The following MTA3 variants were observed in gnomAD, a reference collection of about 807,000 sequenced individuals.
MTA3 encodes metastasis-associated protein MTA3.
Under a neutral mutation model 83.5 loss-of-function variants are expected in MTA3, and 34 were observed. The observed-to-expected ratio is 0.41, with a 90% CI of 0.31 to 0.54. The LOEUF (loss-of-function observed/expected upper bound fraction) is 0.54, where lower values mean the gene tolerates loss of function less well. MTA3 is among the 20% of genes least tolerant of loss of function. The probability of loss-of-function intolerance (pLI) is 0.33; values close to 1 mark genes in which losing one functional copy is unlikely to be tolerated. For synonymous variants in MTA3, 303 were observed against 252.7 expected (o/e 1.20, Z -1.89); for missense variants, 761 against 726.4 (o/e 1.05, Z -0.55).
intron 3 of MTA3, among the ~76,000 whole-genome samples, chr2:42,579,429 A>T (rs57388332): frequency 0.038 from 5,373 of 140,118 alleles, 113 homozygotes; most frequent in Non-Finnish European, 0.047. Context: ...ATATATATAT[A>T]TTTTTTTTTT....
intron 2 of MTA3, among the ~76,000 whole-genome samples, chr2:42,543,276 C>T (rs1207117939): frequency 1.3e-5 from 2 of 150,358 alleles, no homozygotes; most frequent in African/African-American, 2.5e-5. Flanking sequence ...CTCCCTGGTT[C>T]AAGCGATTCT....
intron 14 of MTA3, among the ~76,000 whole-genome samples, chr2:42,715,406 CTTTTTT>C (rs35673744): frequency 1.4e-4 from 15 of 104,162 alleles, no homozygotes; most frequent in Middle Eastern, 5.8e-3. Flanking sequence ...CCACCAACTA[CTTTTTT>C]TTTTTTTTTT....
At chr2:42,610,174 A>G (rs1684018725) in intron 4 of MTA3, among the ~76,000 whole-genome samples, 1 of 152,216 alleles carries the variant, frequency 6.6e-6, no homozygotes, top group Non-Finnish European at 1.5e-5. Flanking sequence ...TCTTTTCAGA[A>G]TGGTACAGAA....
intron 9 of MTA3, among the ~76,000 whole-genome samples, chr2:42,690,800 G>C (rs1029656688): frequency 6.7e-6 from 1 of 148,328 alleles, no homozygotes; most frequent in African/African-American, 2.5e-5. Context: ...TCAGCCTCCC[G>C]AGTAGCTGGG....
chr2:42,525,004 A>G (rs1228451664), intron 2 of MTA3, among the ~76,000 whole-genome samples: 1 of 150,528 alleles, frequency 6.6e-6, no homozygotes, highest in Non-Finnish European at 1.5e-5. Flanking sequence ...CATGTGCACA[A>G]CGTGCTGGTT....
At chr2:42,584,944 T>C (rs950649931) in intron 3 of MTA3, among the ~76,000 whole-genome samples, 2 of 151,942 alleles carry the variant, frequency 1.3e-5, no homozygotes, top group African/African-American at 4.8e-5. Flanking sequence ...GATTTTTTTT[T>C]TTTTTGAGAC....
At chr2:42,616,423 T>TC (rs1221625550) in intron 4 of MTA3, among the ~76,000 whole-genome samples, 5 of 148,404 alleles carry the variant, frequency 3.4e-5, no homozygotes, top group Non-Finnish European at 3.0e-5. Context: ...TCTCTTGTCT[T>TC]TTTTTTTTTT....
chr2:42,581,103 TTC>T (rs58016448), intron 3 of MTA3, among the ~76,000 whole-genome samples: 56,793 of 151,942 alleles, frequency 0.37, 10,870 homozygotes, highest in Middle Eastern at 0.49. Context: ...CATTGTGTTT[TTC>T]TGTTTCTGTA....
intron 2 of MTA3, among the ~76,000 whole-genome samples, chr2:42,558,548 C>A (rs1172966992): frequency 2.0e-5 from 3 of 150,526 alleles, no homozygotes; most frequent in East Asian, 2.0e-4. Context: ...CCACACCCAG[C>A]CTTTAAAAAA....
intron 13 of MTA3, 90 bp downstream of exon 13, chr2:42,708,144 A>C: frequency 3.1e-6 from 4 of 1,294,524 alleles, no homozygotes; most frequent in Admixed American, 3.2e-5. Flanking sequence ...AGGATAATTA[A>C]AAAATGAAGA....
At chr2:42,532,850 C>A in intron 2 of MTA3, 1 of 382,368 alleles carries the variant, frequency 2.6e-6, no homozygotes, top group Non-Finnish European at 5.2e-6. Context: ...GTGGAGCTGG[C>A]TGGCACTTCA....
chr2:42,565,042 C>T (rs1319980142), upstream of MTA3, among the ~76,000 whole-genome samples: 1 of 152,192 alleles, frequency 6.6e-6, no homozygotes, highest in Non-Finnish European at 1.5e-5. Context: ...TCCCAAAGTG[C>T]TGGGATTACA....
intron 9 of MTA3, among the ~76,000 whole-genome samples, chr2:42,692,481 A>G (rs960937539): frequency 1.3e-5 from 2 of 150,362 alleles, no homozygotes; most frequent in African/African-American, 2.5e-5. Flanking sequence ...CTGGAGTGCA[A>G]TGGCGTGATC....
chr2:42,593,305 C>T (rs1314507500), intron 3 of MTA3, among the ~76,000 whole-genome samples: 4 of 151,272 alleles, frequency 2.6e-5, no homozygotes, highest in Non-Finnish European at 4.4e-5. Flanking sequence ...TGACCAACAT[C>T]GTGCTACTGC....
chr2:42,515,040 T>A (rs1675077564), intron 2 of MTA3, among the ~76,000 whole-genome samples: 1 of 151,650 alleles, frequency 6.6e-6, no homozygotes, highest in African/African-American at 2.4e-5. Context: ...TTATTTTATT[T>A]TATTTTATTT....
chr2:42,604,802 C>T (rs1293813475), intron 3 of MTA3, among the ~76,000 whole-genome samples: 2 of 148,722 alleles, frequency 1.3e-5, no homozygotes, highest in Non-Finnish European at 3.0e-5. Context: ...AGCATGCTGC[C>T]TTCAAGCATC....
chr2:42,619,570 A>C (rs1334305825), intron 4 of MTA3, among the ~76,000 whole-genome samples: 3 of 152,240 alleles, frequency 2.0e-5, no homozygotes, highest in African/African-American at 4.8e-5. Context: ...ATATCATTAC[A>C]ATATTTGAGT....
At chr2:42,725,866 C>G (rs1266010081) in intron 16 of MTA3, among the ~76,000 whole-genome samples, 2 of 152,162 alleles carry the variant, frequency 1.3e-5, no homozygotes, top group Non-Finnish European at 2.9e-5. Flanking sequence ...CCACCCACCC[C>G]CAGCATCATG....
At position 42,595,106 on chromosome 2, in the gene MTA3, A is replaced by AT. The variant is rs67598721; in HGVS notation, c.191-14331dup. 8.2e-3 allele frequency among the ~76,000 whole-genome samples: 633 copies of AT among 77,034 alleles called. 41 individuals carry two copies. Among genetic ancestry groups the AT allele is most frequent in the African/African-American group, 0.013 (244 of 18,686 alleles). The allele number at this position is 77,034 out of a possible 152,430, so 50.5% of individuals were successfully genotyped here. On this transcript the variant is annotated intron_variant, in intron 3 of 16. Transcript: ENST00000405094. ...GGTAGTAAGGCTAAACAGGAGCTTC[A>AT]TTTTTTTTTTTTTTTTTTTTTGAGA...
Sources: allele counts gnomAD v4.1 joint callset (sites outside exome capture counted in the v4.1 genomes callset), GRCh38; gene constraint gnomAD v4.1.1; transcripts MANE v1.5; gene names NCBI Gene and HGNC (gene_info 2026-07-23, HGNC 2026-07-21).